INSR: variants seen among roughly 807,000 people sequenced by gnomAD.
The protein encoded by INSR is insulin receptor.
In INSR, 67 loss-of-function variants were observed where a neutral mutation model predicts 142.6. The ratio of observed to expected loss-of-function variants is 0.47; its 90% CI spans 0.39 to 0.58. The LOEUF is 0.58. Among genes scored for constraint, INSR ranks in the 20% least tolerant of loss-of-function variants. The pLI, the probability that INSR is intolerant of heterozygous loss-of-function variation, is 0.00. For synonymous variants in INSR, 756 were observed against 743.1 expected, an observed-to-expected ratio of 1.02 and a Z score of -0.28; for missense variants, 1,248 against 1,833.2, an observed-to-expected ratio of 0.68 and a Z score of 5.83.
intron 11 of INSR, among the ~76,000 whole-genome samples, chr19:7,143,357 G>A (rs560389325): frequency 5.3e-4 from 80 of 152,258 alleles, no homozygotes; most frequent in African/African-American, 1.8e-3. Flanking sequence ...GACACACACC[G>A]ATATTCCCCT....
intron 13 of INSR, among the ~76,000 whole-genome samples, chr19:7,132,838 A>G (rs995096642): frequency 1.3e-5 from 2 of 151,892 alleles, no homozygotes; most frequent in South Asian, 2.1e-4. Context: ...TGATCCGCCC[A>G]CCTCGGCCTC....
Position 7,114,799 on chromosome 19 carries a change from C to T in INSR, c.*2257G>A, listed in dbSNP as rs868065483. The T allele has an allele frequency of 2.5e-4, 38 of 152,330 alleles. No homozygotes were observed. The highest frequency in any genetic ancestry group is 8.7e-4 in the African/African-American group (36 of 41,380). 9.4% of individuals were successfully genotyped at this position (152,330 alleles called of 1,614,324 possible). A position where few individuals can be genotyped will look rare whatever the true frequency, so the allele number is the denominator to read the frequency against. On this transcript the variant is annotated 3_prime_UTR_variant, in exon 22 of 22. Transcript: ENST00000302850. ...TATATTAAAATAAATACTTTTTCCC[C>T]TAATATAAGAAAAACCTTTCTGAAT...
chr19:7,293,021 A>T (rs1968537669), intron 1 of INSR, among the ~76,000 whole-genome samples: 1 of 152,102 alleles, frequency 6.6e-6, no homozygotes, highest in Non-Finnish European at 1.5e-5. Context: ...GTCCTACATG[A>T]GCCTCAGTTT....
Position 7,184,640 on chromosome 19 carries a change from G to GGAGAGAGA in INSR, c.653-11_653-4dup, listed in dbSNP as rs3835070. The stretch of plus-strand genomic sequence containing the variant: ...TGACTTACAGATGGTCGGGCAAACT[G>GGAGAGAGA]GAGAGAGAGAGAGAGAGAGAGGGAA... On this transcript the variant is annotated splice_region_variant and splice_polypyrimidine_tract_variant and intron_variant, in intron 2 of 21. Coordinates refer to ENST00000302850, the MANE Select transcript of INSR (RefSeq NM_000208.4). 1,443 of 1,376,010 alleles carry GGAGAGAGA rather than the reference G, an allele frequency of 1.0e-3. 17 individuals are homozygous for GGAGAGAGA. In the African/African-American group the frequency reaches 0.014, roughly 14 times the overall value. 85.2% of individuals were successfully genotyped at this position (1,376,010 alleles called of 1,614,324 possible). A position where few individuals can be genotyped will look rare whatever the true frequency, so the allele number is the denominator to read the frequency against.
chr19:7,158,139 C>G (rs1973649724), intron 9 of INSR, among the ~76,000 whole-genome samples: 1 of 151,032 alleles, frequency 6.6e-6, no homozygotes. Context: ...TTCCTGATAC[C>G]TGCTACCTCT....
intron 2 of INSR, among the ~76,000 whole-genome samples, chr19:7,224,289 A>G (rs185790458): frequency 1.3e-5 from 2 of 150,998 alleles, no homozygotes; most frequent in South Asian, 2.1e-4. Context: ...GACATGCTCA[A>G]ACCAGCTCAT....
Position 7,203,468 on chromosome 19 carries a change from C to T in INSR, c.653-18831G>A, listed in dbSNP as rs149433594. Among the ~76,000 whole-genome samples the T allele has an allele frequency of 6.3e-3, 955 of 152,150 alleles. 5 individuals carry two copies. The highest frequency in any genetic ancestry group is 0.014 in the South Asian group (66 of 4,822). On this transcript the variant is annotated intron_variant, in intron 2 of 21. Coordinates refer to ENST00000302850, the MANE Select transcript of INSR (RefSeq NM_000208.4). ...CTCCATGGGAACGAGGAAGTGGGAA[C>T]GGGATGAGAGTTTGGAATCGATCTC...
chr19:7,158,066 T>C (rs146501541), intron 9 of INSR, among the ~76,000 whole-genome samples: 40,081 of 142,968 alleles, frequency 0.28, 6,527 homozygotes, highest in Admixed American at 0.44. Context: ...ATTATTATTA[T>C]TATTATTATT....
At position 7,199,274 on chromosome 19, in the gene INSR, C is replaced by T. The variant is rs75690794; in HGVS notation, c.653-14637G>A. 2.9e-3 allele frequency among the ~76,000 whole-genome samples: 446 copies of T among 152,242 alleles called. 4 individuals are homozygous for T. The highest frequency in any genetic ancestry group is 4.0e-3 in the Non-Finnish European group (271 of 68,020). ...TCATCACCATTAGAATTGGAGAAAC[C>T]GAGGCATAGAGGGGCTACTTTGCCA... On this transcript the variant is annotated intron_variant, in intron 2 of 21. Transcript: ENST00000302850.
chr19:7,152,953 G>A, intron 9 of INSR, 26 bp from the exon 10 acceptor site: 1 of 1,575,682 alleles, frequency 6.3e-7, no homozygotes, highest in Non-Finnish European at 8.7e-7. Flanking sequence ...GAAAAGGGGG[G>A]CTCAAGTCTC....
intron 8 of INSR, among the ~76,000 whole-genome samples, chr19:7,163,986 C>T (rs1973828053): frequency 7.2e-6 from 1 of 139,320 alleles, no homozygotes; most frequent in Non-Finnish European, 1.5e-5. Context: ...GTAATCTCAG[C>T]TTCCTGGGAG....
In INSR at chr19:7,166,098, A is replaced by G. The variant is rs2059807; in HGVS notation, c.1861+56T>C. 0.6 allele frequency: 963,937 copies of G among 1,606,108 alleles called. 293,867 individuals are homozygous for G. Among genetic ancestry groups the G allele is most frequent in the African/African-American group, 0.77 (57,283 of 74,516 alleles). ...TTATACAACCTCACTGCATCAGCCTATTAAAAGCAAGAGGTCTGATTCACA... is the reference window on the plus strand; with the variant it reads ...TTATACAACCTCACTGCATCAGCCTGTTAAAAGCAAGAGGTCTGATTCACA... On this transcript the variant is annotated intron_variant, in intron 8 of 21. Coordinates refer to ENST00000302850, the MANE Select transcript of INSR (RefSeq NM_000208.4). This position sits in a 1 kb window ranked among gnomAD's most constrained non-coding sequence, Gnocchi z 4.1.
intron 13 of INSR, among the ~76,000 whole-genome samples, chr19:7,137,936 G>A (rs996419998): frequency 6.6e-5 from 10 of 151,154 alleles, no homozygotes; most frequent in Non-Finnish European, 1.3e-4. Context: ...CTGGATACAG[G>A]GGGATTCCTT....
In INSR at chr19:7,151,060, TTTTC is replaced by T. The variant is rs1443814567; in HGVS notation, c.2232-532_2232-529del. Among the ~76,000 whole-genome samples, 125 of 70,804 alleles carry T rather than the reference TTTTC, an allele frequency of 1.8e-3. 2 individuals carry two copies. The highest frequency in any genetic ancestry group is 4.8e-3 in the Non-Finnish European group (98 of 20,376). The allele number at this position is 70,804 out of a possible 152,430, so 46.5% of individuals were successfully genotyped here. On this transcript the variant is annotated intron_variant, in intron 10 of 21. Transcript: ENST00000302850. Reference sequence around the variant, plus strand: ...CTTTTTTTCATTTTCTTTCTCTTTCTTTTCTTTCTTTTCCTTTTTTCCTTCCTTC... The same window carrying T: ...CTTTTTTTCATTTTCTTTCTCTTTCTTTTCTTTTCCTTTTTTCCTTCCTTC...
At position 7,184,790 on chromosome 19, in the gene INSR, C is replaced by T. The variant is rs17253937; in HGVS notation, c.653-153G>A. Among the ~76,000 whole-genome samples, 21,482 of 146,896 alleles carry T rather than the reference C, an allele frequency of 0.15. 1,853 individuals are homozygous for T. The highest frequency in any genetic ancestry group is 0.22 in the South Asian group (1,018 of 4,610). On this transcript the variant is annotated intron_variant, in intron 2 of 21. Coordinates refer to ENST00000302850, the MANE Select transcript of INSR (RefSeq NM_000208.4). ...AACCAAACACTAACAGTAAAAGCGGCACGTCTACATCATTACCCACATGTC... is the reference window on the plus strand; with the variant it reads ...AACCAAACACTAACAGTAAAAGCGGTACGTCTACATCATTACCCACATGTC...
chr19:7,182,746 A>C (rs1433804194), intron 3 of INSR, among the ~76,000 whole-genome samples: 1 of 152,104 alleles, frequency 6.6e-6, no homozygotes, highest in Non-Finnish European at 1.5e-5. Context: ...GGCCATTGTT[A>C]AGGTGAGGGA....
chr19:7,210,173 C>T (rs1975231038), intron 2 of INSR, among the ~76,000 whole-genome samples: 1 of 151,784 alleles, frequency 6.6e-6, no homozygotes, highest in Admixed American at 6.6e-5. Context: ...GGGAAAACCC[C>T]ATCTCTACTA....
intron 3 of INSR, among the ~76,000 whole-genome samples, chr19:7,181,151 G>T (rs1974265071): frequency 6.6e-6 from 1 of 152,078 alleles, no homozygotes; most frequent in Non-Finnish European, 1.5e-5. Context: ...TCACCATGTT[G>T]GTCAGGCTGG....
intron 2 of INSR, among the ~76,000 whole-genome samples, chr19:7,197,918 A>AGTGTGTGT (rs71864058): frequency 0.031 from 3,070 of 100,184 alleles, 99 homozygotes; most frequent in South Asian, 0.051. Context: ...CCAGAGTGAG[A>AGTGTGTGT]GTGTGTGTGT....
Sources: gnomAD v4.1 joint callset for allele counts (sites outside exome capture counted in the v4.1 genomes callset) on GRCh38, gnomAD v4.1.1 for gene constraint, Gnocchi (gnomAD v3.1) non-coding constraint, MANE v1.5 for transcripts, NCBI Gene and HGNC (gene_info 2026-07-23, HGNC 2026-07-21) for gene names.